The following CEP20 variants were observed in gnomAD, a reference collection of about 807,000 sequenced individuals.
The protein encoded by CEP20 is centrosomal protein 20, also known as FGFR1OP N-terminal like.
A neutral mutation model predicts 20.0 loss-of-function variants in CEP20; 18 were observed. That is an observed-to-expected ratio of 0.90 (90% CI 0.62 to 1.34). The LOEUF (loss-of-function observed/expected upper bound fraction) is 1.34. Among genes scored for constraint, CEP20 ranks in the 40% most tolerant of loss-of-function variants. CEP20 has a pLI of 0.00. For missense variants in CEP20, 215 were observed against 201.6 expected (o/e 1.07, Z -0.40); for synonymous variants, 77 against 73.7 (o/e 1.04, Z -0.23).
chr16:15,872,845 G>T (rs1243174545), intron 4 of CEP20, among the ~76,000 whole-genome samples: 1 of 151,888 alleles, frequency 6.6e-6, no homozygotes, highest in Non-Finnish European at 1.5e-5. Flanking sequence ...AGAAATGTGG[G>T]CGATTCTCCT....
chr16:15,884,234 G>A (rs755646726), intron 1 of CEP20, 29 bp from the exon 2 acceptor site: 1 of 1,566,330 alleles, frequency 6.4e-7, no homozygotes, highest in Non-Finnish European at 8.7e-7. Context: ...TAAGGCTTCA[G>A]TTACAGAGTA....
At chr16:15,884,290 T>G (rs1041647228) in intron 1 of CEP20, 85 bp from the exon 2 acceptor site, 1 of 1,301,840 alleles carries the variant, frequency 7.7e-7, no homozygotes, top group Non-Finnish European at 1.1e-6. Flanking sequence ...GTTGAAAAGG[T>G]AAATGGTACA....
chr16:15,869,169 G>A (rs2044753875), intron 4 of CEP20, among the ~76,000 whole-genome samples: 1 of 151,990 alleles, frequency 6.6e-6, no homozygotes. Flanking sequence ...AGCACTAACA[G>A]CAGCAGTACA....
At chr16:15,872,570 T>TG (rs1439228028) in intron 4 of CEP20, among the ~76,000 whole-genome samples, 1 of 151,930 alleles carries the variant, frequency 6.6e-6, no homozygotes, top group Non-Finnish European at 1.5e-5. Flanking sequence ...TAGCTGGGTG[T>TG]GGTGCCTGAA....
At chr16:15,870,980 TGG>T (rs1567233227) in intron 4 of CEP20, among the ~76,000 whole-genome samples, 1 of 152,120 alleles carries the variant, frequency 6.6e-6, no homozygotes, top group African/African-American at 2.4e-5. Context: ...GGGCTGGGCA[TGG>T]CCAGATGCAG....
chr16:15,876,988 G>T (rs1369861229), intron 3 of CEP20, among the ~76,000 whole-genome samples: 1 of 151,992 alleles, frequency 6.6e-6, no homozygotes, highest in East Asian at 1.9e-4. Context: ...AAGTAGCTGG[G>T]ACTACAGGCA....
intron 2 of CEP20, among the ~76,000 whole-genome samples, chr16:15,881,040 AATGGAGT>A (rs1255276259): frequency 1.3e-5 from 2 of 152,032 alleles, no homozygotes; most frequent in Non-Finnish European, 2.9e-5. Flanking sequence ...ATGCACAATA[AATGGAGT>A]ATGCTTGAAT....
intron 3 of CEP20, among the ~76,000 whole-genome samples, chr16:15,875,563 A>G (rs576549885): frequency 1.3e-5 from 2 of 152,244 alleles, no homozygotes; most frequent in South Asian, 4.2e-4. Flanking sequence ...AGGTGAGAGG[A>G]TCGCTTGAGT....
intron 2 of CEP20, among the ~76,000 whole-genome samples, chr16:15,880,138 C>G (rs2045064683): frequency 1.3e-5 from 2 of 152,130 alleles, no homozygotes; most frequent in Non-Finnish European, 2.9e-5. Flanking sequence ...TGGAAAAATA[C>G]CATTTCTATA....
Position 15,873,637 on chromosome 16 carries a change from G to T in CEP20, c.312-10C>A, listed in dbSNP as rs754151363. 3.1e-6 allele frequency: 5 copies of T among 1,597,622 alleles called. No homozygotes were observed. The South Asian group carries it at 5.7e-5, about 18-fold the overall frequency. ...CCCATATAAAAGAGGTCTATAGCAG[G>T]AAGAAAACAAAACAAAACCAAAAGC... On this transcript the variant is annotated splice_polypyrimidine_tract_variant and intron_variant, in intron 3 of 4. Transcript: ENST00000255759.
At position 15,884,007 on chromosome 16, in the gene CEP20, C is replaced by A. The variant is rs374350706; in HGVS notation, c.226+1G>T. On this transcript the variant is annotated splice_donor_variant, in intron 2 of 4. Coordinates refer to ENST00000255759, the MANE Select transcript of CEP20 (RefSeq NM_144600.4). LOFTEE classifies it high-confidence loss of function. ...TTATGTGATAAATAATAACCACTTA[C>A]CTGCTATGAGGACAGATGCTGTATA... 2 of 1,606,150 alleles carry A rather than the reference C, an allele frequency of 1.2e-6. No homozygotes were observed. Among genetic ancestry groups the A allele is most frequent in the Non-Finnish European group, 1.7e-6 (2 of 1,174,164 alleles).
intron 3 of CEP20, among the ~76,000 whole-genome samples, chr16:15,877,593 A>C (rs2044985559): frequency 1.3e-5 from 2 of 152,084 alleles, no homozygotes; most frequent in African/African-American, 2.4e-5. Flanking sequence ...ATGGTAAAAC[A>C]CCATTTCTAA....
intron 3 of CEP20, among the ~76,000 whole-genome samples, chr16:15,876,535 G>A (rs915339112): frequency 6.6e-6 from 1 of 151,626 alleles, no homozygotes; most frequent in Non-Finnish European, 1.5e-5. Context: ...GCAAGATCAT[G>A]GCTCACTGCA....
chr16:15,873,696 C>T, intron 3 of CEP20, 69 bp from the exon 4 acceptor site: 1 of 1,471,840 alleles, frequency 6.8e-7, no homozygotes, highest in South Asian at 1.4e-5. Context: ...AAGCTTAAAA[C>T]ATTTATTCTT....
At chr16:15,884,293 A>G in intron 1 of CEP20, 88 bp from the exon 2 acceptor site, 1 of 1,278,244 alleles carries the variant, frequency 7.8e-7, no homozygotes, top group South Asian at 1.5e-5. Flanking sequence ...GAAAAGGTAA[A>G]TGGTACAAAA....
At chr16:15,885,139 T>C (rs2045209616) in intron 1 of CEP20, 1 of 151,432 alleles carries the variant, frequency 6.6e-6, no homozygotes, top group Non-Finnish European at 1.5e-5. Flanking sequence ...TCCCCCTCTC[T>C]ACTAAAAAAA....
chr16:15,871,181 G>C (rs1174599376), intron 4 of CEP20, among the ~76,000 whole-genome samples: 2 of 151,996 alleles, frequency 1.3e-5, no homozygotes, highest in Non-Finnish European at 2.9e-5. Flanking sequence ...ACTTGAACCT[G>C]GGAGGCGGAG....
At chr16:15,877,519 C>A (rs2044983909) in intron 3 of CEP20, among the ~76,000 whole-genome samples, 1 of 152,176 alleles carries the variant, frequency 6.6e-6, no homozygotes, top group Non-Finnish European at 1.5e-5. Flanking sequence ...GTAATCCCAA[C>A]ACTTTGGAAG....
rs1318476711 is a variant in CEP20, at chr16:15,867,486, C to A, written c.479G>T (p.Ser160Ile). Residue 160 changes from serine to isoleucine, a missense_variant, in exon 5 of 5, where the codon AGT becomes ATT. Coordinates refer to ENST00000255759, the MANE Select transcript of CEP20 (RefSeq NM_144600.4). ...AACATGAAGATCTTCAATGTTAGTA[C>A]TTTTCTGTTCCTCCTTTCTTAGGTG... is the stretch of plus-strand genomic sequence containing the variant. ...DDHLRKEEQK[S>I]TNIEDLHVSQ... 3 of 1,605,120 alleles carry A rather than the reference C, an allele frequency of 1.9e-6. No homozygotes were observed. Among genetic ancestry groups the A allele is most frequent in the Non-Finnish European group, 2.6e-6 (3 of 1,174,254 alleles).
Sources: allele counts gnomAD v4.1 joint callset (sites outside exome capture counted in the v4.1 genomes callset), GRCh38; gene constraint gnomAD v4.1.1; transcripts MANE v1.5; gene names NCBI Gene and HGNC (gene_info 2026-07-23, HGNC 2026-07-21).